The following GALNT13 variants were observed in gnomAD, a reference collection of about 807,000 sequenced individuals.
GALNT13 encodes polypeptide N-acetylgalactosaminyltransferase 13.
A neutral mutation model predicts 64.2 loss-of-function variants in GALNT13; 28 were observed. That is an observed-to-expected ratio of 0.44 (90% CI 0.32 to 0.60). The LOEUF is 0.60. GALNT13 is among the 20% of genes least tolerant of loss of function. The pLI is 0.05. For synonymous variants in GALNT13, 214 were observed against 224.6 expected (o/e 0.95, Z 0.42); for missense variants, 577 against 669.8 (o/e 0.86, Z 1.53).
At chr2:154,398,567 T>C (rs1446307796) in intron 10 of GALNT13, among the ~76,000 whole-genome samples, 1 of 152,162 alleles carries the variant, frequency 6.6e-6, no homozygotes, top group African/African-American at 2.4e-5. Flanking sequence ...AGGAAAAGAT[T>C]TTAAAGAGAG....
intron 11 of GALNT13, among the ~76,000 whole-genome samples, chr2:154,424,839 A>G (rs960857584): frequency 6.6e-6 from 1 of 152,194 alleles, no homozygotes; most frequent in Non-Finnish European, 1.5e-5. Context: ...CACTTGAATT[A>G]CTGTCTCAGT....
In GALNT13 at chr2:153,889,206, A is replaced by G. The variant is rs889382604; in HGVS notation, c.-176-11730A>G. 7.2e-5 allele frequency among the ~76,000 whole-genome samples: 11 copies of G among 151,996 alleles called. No individual in the cohort carries two copies. In the East Asian group the frequency reaches 1.5e-3, roughly 21 times the overall value. Reference sequence around the variant, plus strand: ...AAACTAAGTATAAATTATTGATCTTATTTCATAATTCAGATTCATTCTTGA... The same window carrying G: ...AAACTAAGTATAAATTATTGATCTTGTTTCATAATTCAGATTCATTCTTGA... On this transcript the variant is annotated intron_variant, in intron 1 of 12. Transcript: ENST00000392825.
chr2:154,386,259 A>G (rs982792516), intron 9 of GALNT13, among the ~76,000 whole-genome samples: 2 of 152,040 alleles, frequency 1.3e-5, no homozygotes, highest in African/African-American at 4.8e-5. Context: ...AGGGGTTTAT[A>G]TAGCAGGGGA....
Position 153,996,376 on chromosome 2 carries a change from G to C in GALNT13, c.142+51737G>C, listed in dbSNP as rs146298081. Among the ~76,000 whole-genome samples, 696 of 152,168 alleles carry C rather than the reference G, an allele frequency of 4.6e-3. 3 individuals carry two copies. Among genetic ancestry groups the C allele is most frequent in the Non-Finnish European group, 7.5e-3 (507 of 67,980 alleles). On this transcript the variant is annotated intron_variant, in intron 3 of 12. Transcript: ENST00000392825. Reference sequence around the variant, plus strand: ...ATTTTTGATAATAGCTATTCTAACTGGGATAAGGTGATATCTTATTATGGT... The same window carrying C: ...ATTTTTGATAATAGCTATTCTAACTCGGATAAGGTGATATCTTATTATGGT...
At chr2:154,338,544 A>G (rs138632120) in intron 9 of GALNT13, among the ~76,000 whole-genome samples, 109 of 152,270 alleles carry the variant, frequency 7.2e-4, no homozygotes, top group African/African-American at 2.4e-3. Context: ...AACAGGAGGC[A>G]TGACACACCA....
At chr2:153,631,884 T>G in the GALNT13 span, among the ~76,000 whole-genome samples, 1 of 152,218 alleles carries the variant, frequency 6.6e-6, no homozygotes, top group Non-Finnish European at 1.5e-5. Flanking sequence ...TCCTTGCCCA[T>G]GCCTATGTCC....
intron 12 of GALNT13, 152 bp from the exon 13 acceptor site, chr2:154,450,259 G>A: frequency 2.0e-6 from 1 of 512,498 alleles, no homozygotes; most frequent in African/African-American, 2.0e-5. Context: ...AATTAATCCA[G>A]GGACACCTGT....
intron 4 of GALNT13, among the ~76,000 whole-genome samples, chr2:154,210,225 C>T (rs1467507255): frequency 6.6e-6 from 1 of 152,120 alleles, no homozygotes; most frequent in African/African-American, 2.4e-5. Flanking sequence ...TTTTCCTTAT[C>T]CACTCATCCA....
chr2:153,981,087 G>A (rs1487693371), intron 3 of GALNT13, among the ~76,000 whole-genome samples: 6 of 152,030 alleles, frequency 3.9e-5, no homozygotes, highest in Admixed American at 6.6e-5. Flanking sequence ...ATTTGAGAAT[G>A]AAGCCATGAA....
intron 4 of GALNT13, among the ~76,000 whole-genome samples, chr2:154,214,940 G>T (rs1039909370): frequency 4.6e-5 from 7 of 152,170 alleles, no homozygotes; most frequent in Non-Finnish European, 2.9e-5. Flanking sequence ...TGAATAAGAT[G>T]ATCTATGACA....
chr2:153,551,052 CA>C, the GALNT13 span, among the ~76,000 whole-genome samples: 6 of 150,640 alleles, frequency 4.0e-5, no homozygotes, highest in Admixed American at 6.6e-5. Context: ...AATACAAGTC[CA>C]AAAAAAAATC....
the GALNT13 span, among the ~76,000 whole-genome samples, chr2:153,224,835 A>G: frequency 6.6e-6 from 1 of 152,228 alleles, no homozygotes; most frequent in Non-Finnish European, 1.5e-5. Flanking sequence ...CATATTAAAT[A>G]TTTTGAATTA....
the GALNT13 span, among the ~76,000 whole-genome samples, chr2:153,631,956 T>C: frequency 6.6e-6 from 1 of 152,008 alleles, no homozygotes; most frequent in Non-Finnish European, 1.5e-5. Flanking sequence ...ACCAATAATA[T>C]CAGTAGTCCT....
chr2:154,021,019 G>A (rs902808839), intron 3 of GALNT13, among the ~76,000 whole-genome samples: 41 of 152,058 alleles, frequency 2.7e-4, no homozygotes, highest in African/African-American at 9.9e-4. Flanking sequence ...GTAGATATGC[G>A]GCATTATTTC....
chr2:154,446,136 G>A (rs188604987), intron 12 of GALNT13, among the ~76,000 whole-genome samples: 3 of 151,998 alleles, frequency 2.0e-5, no homozygotes, highest in East Asian at 1.9e-4. Flanking sequence ...ATTATCCTCT[G>A]AATTTGTCCC....
chr2:153,898,215 C>G (rs1688006488), intron 1 of GALNT13, among the ~76,000 whole-genome samples: 1 of 152,064 alleles, frequency 6.6e-6, no homozygotes, highest in Non-Finnish European at 1.5e-5. Flanking sequence ...TCTCCAGCTT[C>G]CAATTGTGCC....
the GALNT13 span, among the ~76,000 whole-genome samples, chr2:153,345,719 G>GTCTGTCCTTCCT: frequency 1.3e-5 from 1 of 79,976 alleles, no homozygotes; most frequent in Non-Finnish European, 2.5e-5. Flanking sequence ...CTCTCTTTCT[G>GTCTGTCCTTCCT]TCCTTCCTTC....
chr2:153,709,837 A>T, the GALNT13 span, among the ~76,000 whole-genome samples: 67 of 152,192 alleles, frequency 4.4e-4, no homozygotes, highest in African/African-American at 1.4e-3. Flanking sequence ...TTGTGACAAC[A>T]TGGATGAACC....
intron 9 of GALNT13, among the ~76,000 whole-genome samples, chr2:154,309,097 G>A (rs750901777): frequency 2.0e-5 from 3 of 152,088 alleles, no homozygotes; most frequent in East Asian, 1.9e-4. Context: ...TGTCTTTGCC[G>A]TTAAAGTGTG....
Sources: gnomAD v4.1 joint callset for allele counts (sites outside exome capture counted in the v4.1 genomes callset) on GRCh38, gnomAD v4.1.1 for gene constraint, MANE v1.5 for transcripts, NCBI Gene and HGNC (gene_info 2026-07-23, HGNC 2026-07-21) for gene names.